The following DACH2 variants were observed in gnomAD, a reference collection of about 807,000 sequenced individuals.
DACH2 encodes dachshund homolog 2.
DACH2 carries 17 observed loss-of-function variants against 35.8 expected under a neutral mutation model. The observed-to-expected ratio is 0.48, with a 90% CI of 0.33 to 0.71. The LOEUF (loss-of-function observed/expected upper bound fraction) is 0.71, where lower values mean the gene tolerates loss of function less well. Ranked by LOEUF, DACH2 falls within the 30% of genes least tolerant of loss-of-function variation. The pLI, the probability that DACH2 is intolerant of heterozygous loss-of-function variation, is 0.02. For missense variants in DACH2, 469 were observed against 472.7 expected (o/e 0.99, Z 0.07); for synonymous variants, 195 against 177.3 (o/e 1.10, Z -0.79).
intron 2 of DACH2, among the ~76,000 whole-genome samples, chrX:86,449,483 T>C (rs191012097): frequency 1.8e-5 from 2 of 111,820 alleles, no homozygotes; most frequent in Admixed American, 1.9e-4. Context: ...AATCAATTTA[T>C]ATTCAAGGAC....
intron 1 of DACH2, among the ~76,000 whole-genome samples, chrX:86,344,953 CT>C (rs1318483993): frequency 8.9e-6 from 1 of 111,885 alleles, no homozygotes; most frequent in Non-Finnish European, 1.9e-5. Context: ...TTTCATGTTA[CT>C]GATAACCTCC....
At chrX:86,694,985 G>C (rs756401627) in intron 4 of DACH2, 36 bp from the exon 5 acceptor site, 2 of 1,000,561 alleles carry the variant, frequency 2.0e-6, no homozygotes, top group East Asian at 7.4e-5. Context: ...TATGAAAGTT[G>C]TCAAGTTGAA....
chrX:86,524,718 C>A (rs1008320765), intron 3 of DACH2, among the ~76,000 whole-genome samples: 8 of 111,233 alleles, frequency 7.2e-5, no homozygotes, highest in Admixed American at 2.9e-4. Context: ...AATGTCTCCC[C>A]CCAATTTTTT....
chrX:86,762,543 T>C (rs1286834384), intron 7 of DACH2, among the ~76,000 whole-genome samples: 1 of 111,883 alleles, frequency 8.9e-6, no homozygotes, highest in Non-Finnish European at 1.9e-5. Context: ...AATTAGGTAT[T>C]GAGTATTTTT....
intron 1 of DACH2, among the ~76,000 whole-genome samples, chrX:86,186,414 T>C (rs2031684120): frequency 8.9e-6 from 1 of 112,399 alleles, no homozygotes; most frequent in African/African-American, 3.2e-5. Flanking sequence ...AAGTCACTTA[T>C]TTATTGAACT....
chrX:86,195,277 A>G (rs1378854650), intron 1 of DACH2, among the ~76,000 whole-genome samples: 3 of 112,227 alleles, frequency 2.7e-5, no homozygotes, highest in Non-Finnish European at 5.6e-5. Context: ...GCACAGAGCC[A>G]GCCTGCCCTG....
intron 7 of DACH2, among the ~76,000 whole-genome samples, chrX:86,756,473 GT>G (rs200159073): frequency 0.22 from 21,605 of 96,522 alleles, 1,956 homozygotes; most frequent in South Asian, 0.4. Context: ...TTACTCCTAG[GT>G]TTTTTTTTTT....
chrX:86,212,878 A>G (rs1381383228), intron 1 of DACH2, among the ~76,000 whole-genome samples: 1 of 111,177 alleles, frequency 9.0e-6, no homozygotes, highest in Non-Finnish European at 1.9e-5. Context: ...TTTTACTGCA[A>G]CTTTTACCCA....
chrX:86,468,396 A>G (rs763895050), intron 2 of DACH2, among the ~76,000 whole-genome samples: 1 of 110,778 alleles, frequency 9.0e-6, no homozygotes, highest in African/African-American at 3.3e-5. Context: ...TCTCCATTTT[A>G]CTCATCTTAT....
chrX:86,673,131 C>T lies in DACH2; in HGVS notation c.773-21890C>T, dbSNP rs758701753. 8.2e-3 allele frequency among the ~76,000 whole-genome samples: 907 copies of T among 110,133 alleles called. 8 individuals carry two copies. The highest frequency in any genetic ancestry group is 0.012 in the Non-Finnish European group (648 of 52,717). ...CGGGTGGATCACGAGGTCAGGAGAT[C>T]GAGACCATCCTGGCTAACATGGTGA... On this transcript the variant is annotated intron_variant, in intron 4 of 11. Transcript: ENST00000373125.
intron 4 of DACH2, among the ~76,000 whole-genome samples, chrX:86,678,046 G>T (rs1030835378): frequency 8.9e-6 from 1 of 111,856 alleles, no homozygotes; most frequent in African/African-American, 3.2e-5. Context: ...GTTTGTAACT[G>T]GGCATTGGTA....
At chrX:86,662,413 G>A (rs2040614812) in intron 4 of DACH2, among the ~76,000 whole-genome samples, 1 of 111,209 alleles carries the variant, frequency 9.0e-6, no homozygotes, top group Non-Finnish European at 1.9e-5. Flanking sequence ...CTAACACGGT[G>A]AAACCCTGAC....
chrX:86,669,652 G>A (rs1282748367), intron 4 of DACH2, among the ~76,000 whole-genome samples: 2 of 111,298 alleles, frequency 1.8e-5, no homozygotes, highest in East Asian at 5.6e-4. Context: ...TAACTCCAAA[G>A]CTTACATTAT....
At chrX:86,832,013 AT>A in intron 11 of DACH2, 92 bp from the exon 12 acceptor site, 1 of 569,636 alleles carries the variant, frequency 1.8e-6, no homozygotes. Flanking sequence ...ACATCAGATC[AT>A]TTTAGGTTCC....
intron 7 of DACH2, among the ~76,000 whole-genome samples, chrX:86,783,583 A>G (rs1388212838): frequency 8.9e-6 from 1 of 112,359 alleles, no homozygotes; most frequent in African/African-American, 3.2e-5. Context: ...CTATTCAGCT[A>G]TGATAAGGAA....
At chrX:86,705,879 G>C (rs1384185624) in intron 5 of DACH2, among the ~76,000 whole-genome samples, 1 of 111,769 alleles carries the variant, frequency 8.9e-6, no homozygotes, top group Non-Finnish European at 1.9e-5. Flanking sequence ...AAGATAACGT[G>C]TTATATGTAT....
chrX:86,571,050 T>C lies in DACH2; in HGVS notation c.640+56659T>C, dbSNP rs1012955246. On this transcript the variant is annotated intron_variant, in intron 3 of 11. Transcript: ENST00000373125. Reference sequence around the variant, plus strand: ...ACAGAGATTTTCTACTGTGTTTTCTTATAGAAGTTTTATCATTTTTGCTTT... The same window carrying C: ...ACAGAGATTTTCTACTGTGTTTTCTCATAGAAGTTTTATCATTTTTGCTTT... Among the ~76,000 whole-genome samples, 131 of 111,589 alleles carry C rather than the reference T, an allele frequency of 1.2e-3. 1 individual carries two copies. The highest frequency in any genetic ancestry group is 5.3e-4 in the Non-Finnish European group (28 of 53,051).
chrX:86,526,987 G>A (rs1384700800), intron 3 of DACH2, among the ~76,000 whole-genome samples: 1 of 110,075 alleles, frequency 9.1e-6, no homozygotes, highest in Non-Finnish European at 1.9e-5. Flanking sequence ...GACAATATAT[G>A]AAGTCACACA....
At chrX:86,700,284 G>C (rs1190116130) in intron 5 of DACH2, among the ~76,000 whole-genome samples, 1 of 111,228 alleles carries the variant, frequency 9.0e-6, no homozygotes, top group African/African-American at 3.3e-5. Flanking sequence ...ATTTGGTCAA[G>C]TGTGAGTTCA....
Sources: gnomAD v4.1 joint callset for allele counts (sites outside exome capture counted in the v4.1 genomes callset) on GRCh38, gnomAD v4.1.1 for gene constraint, MANE v1.5 for transcripts, NCBI Gene and HGNC (gene_info 2026-07-23, HGNC 2026-07-21) for gene names.